The following CLMN variants were observed in gnomAD, a reference collection of about 807,000 sequenced individuals.
CLMN encodes the protein calmin (calponin-like, transmembrane).
Under a neutral mutation model 92.7 loss-of-function variants are expected in CLMN, and 57 were observed. That is an observed-to-expected ratio of 0.61 (90% CI 0.50 to 0.77). The LOEUF is 0.77. CLMN is among the 30% of genes least tolerant of loss of function. The probability of loss-of-function intolerance (pLI) is 0.00; values close to 1 mark genes in which losing one functional copy is unlikely to be tolerated. For missense variants in CLMN, 1,158 were observed against 1,237.5 expected, an observed-to-expected ratio of 0.94 and a Z score of 0.96; for synonymous variants, 466 against 470.6, an observed-to-expected ratio of 0.99 and a Z score of 0.13.
chr14:95,189,706 C>A lies in CLMN; in HGVS notation c.*1858G>T, dbSNP rs1262500697. 8 of 152,216 alleles carry A rather than the reference C, an allele frequency of 5.3e-5. No individual in the cohort carries two copies. The highest frequency in any genetic ancestry group is 4.6e-4 in the Admixed American group (7 of 15,292). The allele number at this position is 152,216 out of a possible 1,614,324, so 9.4% of individuals were successfully genotyped here. On this transcript the variant is annotated 3_prime_UTR_variant, in exon 13 of 13. Coordinates refer to ENST00000298912, the MANE Select transcript of CLMN (RefSeq NM_024734.4). ...CATGGTGCCCAGAGTTATAAACTAT[C>A]ACATAATCTTTATTATCTGTACCTT...
rs140265520 is a variant in CLMN, at chr14:95,221,766, T to C, written c.249A>G (p.Glu83=). 8.1e-5 allele frequency: 130 copies of C among 1,614,198 alleles called. No individual in the cohort carries two copies. The East Asian group carries it at 2.9e-3, about 36-fold the overall frequency. Residue 83 remains glutamate, a synonymous_variant, in exon 4 of 13, where the codon GAA becomes GAG. Transcript: ENST00000298912. ...EVLSGRNLLH[E]YKSSSHRIFR... ...AAATACGATGCGACGAGGATTTGTA[T>C]TCGTGCAGCTATAAAACAGAACAGA...
intron 9 of CLMN, among the ~76,000 whole-genome samples, chr14:95,197,586 C>T (rs553951477): frequency 6.6e-6 from 1 of 152,150 alleles, no homozygotes; most frequent in East Asian, 1.9e-4. Context: ...GTAGAGTTTT[C>T]AGGATGCCAT....
chr14:95,319,223 G>A (rs1490177672), intron 1 of CLMN, among the ~76,000 whole-genome samples: 2 of 151,818 alleles, frequency 1.3e-5, no homozygotes, highest in African/African-American at 4.8e-5. Context: ...CCCTGGCCCC[G>A]CTTTCCCCAA....
intron 4 of CLMN, 62 bp from the exon 5 acceptor site, chr14:95,215,795 T>C: frequency 8.0e-7 from 1 of 1,244,154 alleles, no homozygotes; most frequent in Non-Finnish European, 1.2e-6. Flanking sequence ...ATATGTTATT[T>C]TCTGGTTCTC....
In CLMN at chr14:95,203,863, C is replaced by A. The variant is rs1449831762; in HGVS notation, c.1486G>T (p.Val496Leu). Residue 496 changes from valine (V) to leucine (L), a missense_variant, in exon 9 of 13, where the codon GTG (valine) becomes TTG (leucine). Transcript: ENST00000298912. Reference protein sequence around the residue: ...SDKVAGDIFLVEGTNNNSQSS... With the variant: ...SDKVAGDIFLLEGTNNNSQSS... The stretch of plus-strand genomic sequence containing the variant: ...TGAGAATTATTGTTTGTGCCCTCCA[C>A]CAAAAAAATGTCACCAGCGACCTTG... 1 of 1,614,090 alleles carries A rather than the reference C, an allele frequency of 6.2e-7. No individual in the cohort carries two copies. Among genetic ancestry groups the A allele is most frequent in the Admixed American group, 1.7e-5 (1 of 60,032 alleles).
At position 95,184,008 on chromosome 14, in the gene CLMN, G is replaced by A. The variant is rs1430466095; in HGVS notation, c.*7556C>T. On this transcript the variant is annotated 3_prime_UTR_variant, in exon 13 of 13. Coordinates refer to ENST00000298912, the MANE Select transcript of CLMN (RefSeq NM_024734.4). ...TCAGAAAAAAGTAATGGATTGGAGAGAGGTTGGAAGAAGCTATGGTACACT... is the reference window on the plus strand; with the variant it reads ...TCAGAAAAAAGTAATGGATTGGAGAAAGGTTGGAAGAAGCTATGGTACACT... 1 of 152,244 alleles carries A rather than the reference G, an allele frequency of 6.6e-6. No homozygotes were observed. The highest frequency in any genetic ancestry group is 1.9e-4 in the East Asian group (1 of 5,202). The allele number at this position is 152,244 out of a possible 1,614,324, so 9.4% of individuals were successfully genotyped here. A position where few individuals can be genotyped will look rare whatever the true frequency, so the allele number is the denominator to read the frequency against.
chr14:95,270,886 C>T (rs1249063393), intron 1 of CLMN, among the ~76,000 whole-genome samples: 2 of 152,112 alleles, frequency 1.3e-5, no homozygotes, highest in South Asian at 2.1e-4. Flanking sequence ...TTTTGAGAAA[C>T]GGACAGACTG....
At chr14:95,246,265 A>G (rs1035488949) in intron 1 of CLMN, among the ~76,000 whole-genome samples, 61 of 152,202 alleles carry the variant, frequency 4.0e-4, no homozygotes, top group Non-Finnish European at 1.3e-4. Flanking sequence ...AACTAGGGAC[A>G]GCCCCTATGC....
intron 1 of CLMN, among the ~76,000 whole-genome samples, chr14:95,305,449 G>A (rs371789274): frequency 2.0e-5 from 3 of 152,132 alleles, no homozygotes; most frequent in Non-Finnish European, 4.4e-5. Flanking sequence ...GAGAGTTCTC[G>A]CAAATTAAAA....
intron 1 of CLMN, among the ~76,000 whole-genome samples, chr14:95,273,498 C>T (rs1248888726): frequency 2.0e-5 from 3 of 152,178 alleles, no homozygotes; most frequent in Non-Finnish European, 4.4e-5. Context: ...CCTAACACTC[C>T]AATCTGTGGC....
At chr14:95,263,880 CAGTG>C (rs945449517) in intron 1 of CLMN, among the ~76,000 whole-genome samples, 14 of 152,156 alleles carry the variant, frequency 9.2e-5, no homozygotes, top group African/African-American at 3.1e-4. Flanking sequence ...AGCAAATGCC[CAGTG>C]AGTGTCGGTT....
rs530865001 is a variant in CLMN at position 95,224,319 on chromosome 14, C to T, written c.145-464G>A. On this transcript the variant is annotated intron_variant, in intron 2 of 12. Coordinates refer to ENST00000298912, the MANE Select transcript of CLMN (RefSeq NM_024734.4). ...TTTTGAGACAAGAGTCACGCTCTGT[C>T]GCCCAGGCTTAGGAGTGCAGTGGCA... 2.7e-4 allele frequency among the ~76,000 whole-genome samples: 41 copies of T among 152,246 alleles called. 1 individual carries two copies. Among genetic ancestry groups the T allele is most frequent in the East Asian group, 2.3e-3 (12 of 5,182 alleles).
At chr14:95,204,813 T>A (rs759073931) in intron 8 of CLMN, among the ~76,000 whole-genome samples, 3 of 152,206 alleles carry the variant, frequency 2.0e-5, no homozygotes, top group Admixed American at 6.5e-5. Context: ...AGCCCCTTCA[T>A]GCTTGAGGAC....
At chr14:95,282,325 G>A (rs1900171973) in intron 1 of CLMN, among the ~76,000 whole-genome samples, 1 of 152,084 alleles carries the variant, frequency 6.6e-6, no homozygotes, top group South Asian at 2.1e-4. Flanking sequence ...GGCAGCATAT[G>A]GAAAGGATAT....
At chr14:95,232,107 TC>T (rs1293088613) in intron 1 of CLMN, among the ~76,000 whole-genome samples, 1 of 152,238 alleles carries the variant, frequency 6.6e-6, no homozygotes, top group Non-Finnish European at 1.5e-5. Flanking sequence ...TTCTGCTCTC[TC>T]CTGAGTTCTG....
intron 6 of CLMN, among the ~76,000 whole-genome samples, 189 bp downstream of exon 6, chr14:95,213,030 A>G (rs1452244861): frequency 6.6e-6 from 1 of 151,850 alleles, no homozygotes; most frequent in Non-Finnish European, 1.5e-5. Context: ...CTGGTGATCC[A>G]CTCGCCTCGG....
chr14:95,309,430 A>G (rs1901430099), intron 1 of CLMN, among the ~76,000 whole-genome samples: 2 of 152,214 alleles, frequency 1.3e-5, no homozygotes, highest in African/African-American at 4.8e-5. Flanking sequence ...CTGCCAGAAC[A>G]TGTTCAGTCC....
intron 12 of CLMN, chr14:95,193,200 C>A: frequency 1.6e-6 from 1 of 643,066 alleles, no homozygotes; most frequent in Non-Finnish European, 2.7e-6. Context: ...GGAATGGGGA[C>A]GTCTCAGAAT....
intron 1 of CLMN, among the ~76,000 whole-genome samples, chr14:95,276,107 G>A (rs184541798): frequency 6.6e-5 from 10 of 152,328 alleles, no homozygotes; most frequent in Admixed American, 6.5e-4. Context: ...AAACCACGAA[G>A]GGGTGATATT....
Sources: gnomAD v4.1 joint callset for allele counts (sites outside exome capture counted in the v4.1 genomes callset) on GRCh38, gnomAD v4.1.1 for gene constraint, MANE v1.5 for transcripts, NCBI Gene and HGNC (gene_info 2026-07-23, HGNC 2026-07-21) for gene names.